PRIMA1: variants seen among roughly 807,000 people sequenced by gnomAD.
The protein encoded by PRIMA1 is proline-rich membrane anchor 1.
Under a neutral mutation model 17.5 loss-of-function variants are expected in PRIMA1, and 7 were observed. The observed-to-expected ratio is 0.40, with a 90% CI of 0.23 to 0.75. The LOEUF (loss-of-function observed/expected upper bound fraction) is 0.75. Ranked by LOEUF, PRIMA1 falls within the 30% of genes least tolerant of loss-of-function variation. The probability of loss-of-function intolerance (pLI) is 0.37; values close to 1 mark genes in which losing one functional copy is unlikely to be tolerated. For synonymous variants in PRIMA1, 97 were observed against 77.9 expected, an observed-to-expected ratio of 1.25 and a Z score of -1.29; for missense variants, 200 against 201.8, an observed-to-expected ratio of 0.99 and a Z score of 0.05.
At chr14:93,737,609 G>A (rs1017779587) in intron 3 of PRIMA1, among the ~76,000 whole-genome samples, 1 of 151,904 alleles carries the variant, frequency 6.6e-6, no homozygotes, top group Non-Finnish European at 1.5e-5. Flanking sequence ...CAGAGGCGTG[G>A]GGAGGTCACT....
In PRIMA1 at chr14:93,735,211, C is replaced by T. The variant is rs529687046; in HGVS notation, c.359+2030G>A. On this transcript the variant is annotated intron_variant, in intron 4 of 4. Coordinates refer to ENST00000393140, the MANE Select transcript of PRIMA1 (RefSeq NM_178013.4). The stretch of plus-strand genomic sequence containing the variant: ...CTGGCAGCCATGGCCTGGTGGCGCA[C>T]ACTCTTCCCCCAAAAAGCAGCTACC... 6.6e-5 allele frequency among the ~76,000 whole-genome samples: 10 copies of T among 152,298 alleles called. No individual in the cohort carries two copies. In the East Asian group the frequency reaches 1.9e-3, roughly 29 times the overall value.
At chr14:93,748,617 C>A (rs1010192193) in intron 3 of PRIMA1, among the ~76,000 whole-genome samples, 1 of 151,624 alleles carries the variant, frequency 6.6e-6, no homozygotes, top group Admixed American at 6.6e-5. Context: ...CCTTCCTGAG[C>A]CCTGGGTGAG....
intron 3 of PRIMA1, among the ~76,000 whole-genome samples, chr14:93,773,502 A>G (rs1885125342): frequency 6.6e-6 from 1 of 152,228 alleles, no homozygotes; most frequent in African/African-American, 2.4e-5. Context: ...ATCTGTGACT[A>G]AACAAGCTCT....
intron 3 of PRIMA1, among the ~76,000 whole-genome samples, chr14:93,751,822 T>C (rs1287596374): frequency 1.3e-5 from 2 of 152,110 alleles, no homozygotes; most frequent in Non-Finnish European, 2.9e-5. Context: ...AAGAAAACAA[T>C]ATCCGTATTG....
chr14:93,782,458 AT>A lies in PRIMA1; in HGVS notation c.94-3148del, dbSNP rs548733317. Among the ~76,000 whole-genome samples the A allele has an allele frequency of 2.2e-3, 334 of 149,146 alleles. 3 individuals carry two copies. The highest frequency in any genetic ancestry group is 6.8e-3 in the African/African-American group (276 of 40,682). The stretch of plus-strand genomic sequence containing the variant: ...ATAGAGTGAGACCTCATCTCTACAA[AT>A]TTTTTTTTTTAATTAGCTGGGCATG... On this transcript the variant is annotated intron_variant, in intron 2 of 4. Coordinates refer to ENST00000393140, the MANE Select transcript of PRIMA1 (RefSeq NM_178013.4).
intron 3 of PRIMA1, among the ~76,000 whole-genome samples, chr14:93,755,892 C>T (rs1416736147): frequency 6.6e-6 from 1 of 152,060 alleles, no homozygotes; most frequent in Non-Finnish European, 1.5e-5. Context: ...AGGAAGGGCT[C>T]GCCATGCACC....
At chr14:93,735,547 G>A (rs1317284075) in intron 4 of PRIMA1, among the ~76,000 whole-genome samples, 4 of 152,156 alleles carry the variant, frequency 2.6e-5, no homozygotes, top group East Asian at 1.9e-4. Context: ...CAGCCTCATG[G>A]AGCAGCCTGT....
chr14:93,725,961 G>A (rs2076072620), intron 4 of PRIMA1: 2 of 456,430 alleles, frequency 4.4e-6, no homozygotes, highest in Admixed American at 4.7e-5. Flanking sequence ...TTCCACCCTG[G>A]TCCAGGCAGA....
intron 3 of PRIMA1, among the ~76,000 whole-genome samples, chr14:93,759,196 G>T (rs1299809633): frequency 6.6e-6 from 1 of 152,286 alleles, no homozygotes; most frequent in East Asian, 1.9e-4. Flanking sequence ...CTAAGCAGTT[G>T]CTCAGCGGGT....
chr14:93,735,351 G>A (rs141046171), intron 4 of PRIMA1, among the ~76,000 whole-genome samples: 8 of 152,294 alleles, frequency 5.3e-5, no homozygotes, highest in Non-Finnish European at 8.8e-5. Flanking sequence ...CTCCTGCGTC[G>A]CAGGGGCTTC....
intron 3 of PRIMA1, among the ~76,000 whole-genome samples, chr14:93,774,090 T>C (rs186037319): frequency 5.6e-4 from 84 of 151,118 alleles, no homozygotes; most frequent in Non-Finnish European, 4.3e-4. Context: ...AGACTCCGTC[T>C]CAAAAAAAAA....
chr14:93,771,147 T>TGC (rs1885051775), intron 3 of PRIMA1, among the ~76,000 whole-genome samples: 1 of 151,800 alleles, frequency 6.6e-6, no homozygotes, highest in Non-Finnish European at 1.5e-5. Context: ...CGTATGTGTG[T>TGC]GTGTGCGCAT....
At chr14:93,780,209 A>G (rs1885340654) in intron 2 of PRIMA1, among the ~76,000 whole-genome samples, 1 of 152,142 alleles carries the variant, frequency 6.6e-6, no homozygotes, top group African/African-American at 2.4e-5. Context: ...GACCTCACAG[A>G]TGTGTCTCTG....
chr14:93,737,960 C>T (rs2076161912), intron 3 of PRIMA1, among the ~76,000 whole-genome samples: 1 of 152,100 alleles, frequency 6.6e-6, no homozygotes, highest in Admixed American at 6.5e-5. Flanking sequence ...GGGTGGGGAG[C>T]GGGGCTCACA....
intron 3 of PRIMA1, among the ~76,000 whole-genome samples, chr14:93,774,799 C>A (rs1045666405): frequency 2.0e-5 from 3 of 152,236 alleles, no homozygotes; most frequent in African/African-American, 7.2e-5. Context: ...ACGATTACAG[C>A]AATGGATACC....
At chr14:93,786,740 C>A (rs987576614) in intron 2 of PRIMA1, among the ~76,000 whole-genome samples, 3 of 152,116 alleles carry the variant, frequency 2.0e-5, no homozygotes, top group Non-Finnish European at 4.4e-5. Context: ...GTCAGCCAGG[C>A]AGAAGAACGG....
chr14:93,736,314 GA>G (rs757315494), intron 4 of PRIMA1, among the ~76,000 whole-genome samples: 3 of 152,206 alleles, frequency 2.0e-5, no homozygotes, highest in Non-Finnish European at 2.9e-5. Flanking sequence ...CAACTCCTTA[GA>G]ACCTCAACCT....
At chr14:93,728,073 G>T (rs577217902) in intron 4 of PRIMA1, among the ~76,000 whole-genome samples, 2 of 152,280 alleles carry the variant, frequency 1.3e-5, no homozygotes, top group Non-Finnish European at 2.9e-5. Context: ...CAAGAGAAGC[G>T]GCCCATCCCC....
At chr14:93,740,927 C>T (rs542564573) in intron 3 of PRIMA1, among the ~76,000 whole-genome samples, 5 of 152,338 alleles carry the variant, frequency 3.3e-5, no homozygotes, top group African/African-American at 1.2e-4. Context: ...TCTTTACATT[C>T]TCTGTTAGTT....
Sources: gnomAD v4.1 joint callset for allele counts (sites outside exome capture counted in the v4.1 genomes callset) on GRCh38, gnomAD v4.1.1 for gene constraint, MANE v1.5 for transcripts, NCBI Gene and HGNC (gene_info 2026-07-23, HGNC 2026-07-21) for gene names.